Variants in SDR42E2 observed in about 807,000 individuals in gnomAD.
SDR42E2 encodes short chain dehydrogenase/reductase family 42E, member 2, also known as putative short-chain dehydrogenase/reductase family 42E member 2.
Under a neutral mutation model 10.5 loss-of-function variants are expected in SDR42E2, and 20 were observed. The observed-to-expected ratio is 1.90, with a 90% CI of 1.34 to 2.77. The LOEUF is 2.77. SDR42E2 is among the 30% of genes most tolerant of loss of function. The probability of loss-of-function intolerance (pLI) is 0.00; values close to 1 mark genes in which losing one functional copy is unlikely to be tolerated. For missense variants in SDR42E2, 162 were observed against 104.2 expected (o/e 1.55, Z -2.42); for synonymous variants, 72 against 39.2 (o/e 1.84, Z -3.12).
rs1428040805 is a variant in SDR42E2, at chr16:22,190,069, G to A, written c.1015-70G>A. On this transcript the variant is annotated intron_variant, in intron 12 of 12. Coordinates refer to ENST00000602312, the MANE Select transcript of SDR42E2 (RefSeq NM_001394319.2). ...TCCCTGCCCTCTCTTTTCCCTTTCCGTAAACAACGAAGTAGAGGATGTCCT... is the reference window on the plus strand; with the variant it reads ...TCCCTGCCCTCTCTTTTCCCTTTCCATAAACAACGAAGTAGAGGATGTCCT... 1.0e-5 allele frequency: 4 copies of A among 400,328 alleles called. No individual in the cohort carries two copies. In the East Asian group the frequency reaches 1.4e-4, roughly 14 times the overall value. The allele number at this position is 400,328 out of a possible 1,614,324, so 24.8% of individuals were successfully genotyped here.
chr16:22,173,932 T>G (rs2046622700), intron 7 of SDR42E2, among the ~76,000 whole-genome samples: 1 of 147,380 alleles, frequency 6.8e-6, no homozygotes, highest in Non-Finnish European at 1.5e-5. Context: ...TATATATAGC[T>G]TTCTAAAATT....
At chr16:22,178,457 G>C (rs553531782) in intron 8 of SDR42E2, among the ~76,000 whole-genome samples, 1 of 152,318 alleles carries the variant, frequency 6.6e-6, no homozygotes, top group South Asian at 2.1e-4. Flanking sequence ...GAGCCATAGA[G>C]CTGTGACCCC....
rs1484756389 is a variant in SDR42E2 at position 22,166,945 on chromosome 16, A to C, written c.282A>C (p.Glu94Asp). ...AAGAAGCCCTGTACCGTGCCTTCGA[A>C]GGGGTGGACTGTGTCTTCCACGTGG... is the stretch of plus-strand genomic sequence containing the variant. ...RDEEALYRAF[E>D]GVDCVFHVAS... Residue 94 changes from glutamate to aspartate, a missense_variant, in exon 4 of 13, where the codon GAA becomes GAC. Physicochemically the swap from Glu to Asp is conservative, Grantham distance 45. Coordinates refer to ENST00000602312, the MANE Select transcript of SDR42E2 (RefSeq NM_001394319.2). 9 of 701,136 alleles carry C rather than the reference A, an allele frequency of 1.3e-5. No homozygotes were observed. Among genetic ancestry groups the C allele is most frequent in the Non-Finnish European group, 2.3e-5 (9 of 383,830 alleles). 43.4% of individuals were successfully genotyped at this position (701,136 alleles called of 1,614,324 possible). A position where few individuals can be genotyped will look rare whatever the true frequency, so the allele number is the denominator to read the frequency against.
At chr16:22,171,017 G>A in intron 6 of SDR42E2, 66 bp downstream of exon 6, 2 of 699,654 alleles carry the variant, frequency 2.9e-6, no homozygotes, top group Non-Finnish European at 5.2e-6. Context: ...AGAGGGGAGG[G>A]ATGGGTGGAA....
At chr16:22,176,524 GA>G (rs755286578) in intron 7 of SDR42E2, among the ~76,000 whole-genome samples, 9 of 152,116 alleles carry the variant, frequency 5.9e-5, no homozygotes, top group Non-Finnish European at 1.2e-4. Context: ...AAAAATAAAA[GA>G]AAAATTTTTT....
chr16:22,176,186 A>G (rs2046643795), intron 7 of SDR42E2, among the ~76,000 whole-genome samples: 1 of 152,108 alleles, frequency 6.6e-6, no homozygotes. Context: ...TGGCGCTATC[A>G]TGGCTCACTG....
At chr16:22,187,020 A>C (rs1039440492) in intron 12 of SDR42E2, among the ~76,000 whole-genome samples, 1 of 152,130 alleles carries the variant, frequency 6.6e-6, no homozygotes, top group African/African-American at 2.4e-5. Context: ...TGGGTCTGAA[A>C]TGTGACAGCT....
At chr16:22,187,866 C>T (rs2046746367) in intron 12 of SDR42E2, among the ~76,000 whole-genome samples, 1 of 151,910 alleles carries the variant, frequency 6.6e-6, no homozygotes, top group African/African-American at 2.4e-5. Flanking sequence ...GAGGCTGAGG[C>T]GGGTGGATAA....
chr16:22,184,337 C>G, intron 11 of SDR42E2, 93 bp downstream of exon 11: 3 of 388,142 alleles, frequency 7.7e-6, no homozygotes, highest in Non-Finnish European at 1.4e-5. Flanking sequence ...CACGGTGGCT[C>G]ACGCCTGTAA....
chr16:22,176,150 G>A (rs549034432), intron 7 of SDR42E2, among the ~76,000 whole-genome samples: 257 of 151,986 alleles, frequency 1.7e-3, no homozygotes, highest in African/African-American at 5.9e-3. Flanking sequence ...ACAGGGTCTC[G>A]CTCTGTCGCC....
Position 22,173,903 on chromosome 16 carries a change from G to GTATATATATATATATATATA in SDR42E2, c.589+1573_589+1574insATATATATATATATATATAT, listed in dbSNP as rs146432754. On this transcript the variant is annotated intron_variant, in intron 7 of 12. Coordinates refer to ENST00000602312, the MANE Select transcript of SDR42E2 (RefSeq NM_001394319.2). The stretch of plus-strand genomic sequence containing the variant: ...ATGGGCTACGTATATATATGTGTGT[G>GTATATATATATATATATATA]TGTATATATATATATATATATATAT... Among the ~76,000 whole-genome samples the GTATATATATATATATATATA allele has an allele frequency of 7.0e-3, 791 of 112,294 alleles. 11 individuals are homozygous for GTATATATATATATATATATA. Among genetic ancestry groups the GTATATATATATATATATATA allele is most frequent in the East Asian group, 0.031 (58 of 1,890 alleles). 73.7% of individuals were successfully genotyped at this position (112,294 alleles called of 152,430 possible). A position where few individuals can be genotyped will look rare whatever the true frequency, so the allele number is the denominator to read the frequency against.
At position 22,178,149 on chromosome 16, in the gene SDR42E2, G is replaced by A. The variant is rs150601790; in HGVS notation, c.609G>A (p.Thr203=). The A allele has an allele frequency of 1.1e-5, 8 of 702,738 alleles. No individual in the cohort carries two copies. The highest frequency in any genetic ancestry group is 1.5e-5 in the South Asian group (1 of 67,594). 43.5% of individuals were successfully genotyped at this position (702,738 alleles called of 1,614,324 possible). The part of the protein sequence containing the change: ...MPLPGGGTLR[T]CVLRPPGIYG... The stretch of plus-strand genomic sequence containing the variant: ...TGCTAGGAGGAGGCACTCTTCGGAC[G>A]TGTGTGCTCCGGCCTCCAGGGATCT... Residue 203 remains threonine, a synonymous_variant, in exon 8 of 13, where the codon ACG becomes ACA. Coordinates refer to ENST00000602312, the MANE Select transcript of SDR42E2 (RefSeq NM_001394319.2).
intron 7 of SDR42E2, among the ~76,000 whole-genome samples, chr16:22,173,411 G>A (rs534831231): frequency 1.3e-5 from 2 of 151,914 alleles, no homozygotes; most frequent in African/African-American, 4.8e-5. Context: ...GTAGAGATGG[G>A]GTTTCACCAT....
Position 22,186,795 on chromosome 16 carries a change from G to T in SDR42E2, c.1014+1G>T, listed in dbSNP as rs574908890. Reference sequence around the variant, plus strand: ...CCCACCGCTGCTCACTCGTAGTGAGGTAAGTGGGCTGCTGTTATGGGACCT... The same window carrying T: ...CCCACCGCTGCTCACTCGTAGTGAGTTAAGTGGGCTGCTGTTATGGGACCT... On this transcript the variant is annotated splice_donor_variant, in intron 12 of 12. Transcript: ENST00000602312. LOFTEE classifies it high-confidence loss of function. 1 of 390,662 alleles carries T rather than the reference G, an allele frequency of 2.6e-6. No individual in the cohort carries two copies. The highest frequency in any genetic ancestry group is 4.5e-5 in the Admixed American group (1 of 22,140). The allele number at this position is 390,662 out of a possible 1,614,324, so 24.2% of individuals were successfully genotyped here.
rs2046767525 is a variant in SDR42E2, at chr16:22,190,584, C to A, written c.*191C>A. 2.5e-6 allele frequency: 1 copy of A among 399,380 alleles called. No individual in the cohort carries two copies. Among genetic ancestry groups the A allele is most frequent in the African/African-American group, 2.1e-5 (1 of 48,548 alleles). The allele number at this position is 399,380 out of a possible 1,614,324, so 24.7% of individuals were successfully genotyped here. A position where few individuals can be genotyped will look rare whatever the true frequency, so the allele number is the denominator to read the frequency against. ...CGGACCGCCGACTTCTGGCCACGCC[C>A]CTATCTACTCCCAGACCTTGCCTTG... On this transcript the variant is annotated 3_prime_UTR_variant, in exon 13 of 13. Coordinates refer to ENST00000602312, the MANE Select transcript of SDR42E2 (RefSeq NM_001394319.2).
intron 7 of SDR42E2, among the ~76,000 whole-genome samples, chr16:22,172,929 T>C (rs115105817): frequency 0.012 from 1,872 of 152,282 alleles, 32 homozygotes; most frequent in African/African-American, 0.042. Flanking sequence ...TGCAGGTGTG[T>C]GCCACCATTC....
intron 8 of SDR42E2, among the ~76,000 whole-genome samples, chr16:22,179,202 T>G (rs1040944097): frequency 6.6e-6 from 1 of 152,122 alleles, no homozygotes; most frequent in Admixed American, 6.6e-5. Context: ...TTGCCCAAGC[T>G]GATCTCAAAT....
At chr16:22,189,962 G>A (rs1174245551) in intron 12 of SDR42E2, among the ~76,000 whole-genome samples, 177 bp from the exon 13 acceptor site, 2 of 152,206 alleles carry the variant, frequency 1.3e-5, no homozygotes, top group African/African-American at 4.8e-5. Flanking sequence ...AAGGAAGAAA[G>A]GAAGACCTCT....
At chr16:22,164,390 C>A (rs2046519267) in intron 1 of SDR42E2, among the ~76,000 whole-genome samples, 1 of 152,154 alleles carries the variant, frequency 6.6e-6, no homozygotes, top group Non-Finnish European at 1.5e-5. Flanking sequence ...GAAACCCCAT[C>A]TCTACTAAAA....
Sources: gnomAD v4.1 joint callset for allele counts (sites outside exome capture counted in the v4.1 genomes callset) on GRCh38, gnomAD v4.1.1 for gene constraint, MANE v1.5 for transcripts, NCBI Gene and HGNC (gene_info 2026-07-23, HGNC 2026-07-21) for gene names.